Variants in SLC22A16 observed in about 807,000 individuals in gnomAD.
SLC22A16 encodes WUGSC:RG331P03.1.
In SLC22A16, 53 loss-of-function variants were observed where a neutral mutation model predicts 52.9. That is an observed-to-expected ratio of 1.00 (90% CI 0.80 to 1.26). The LOEUF (loss-of-function observed/expected upper bound fraction) is 1.26, where lower values mean the gene tolerates loss of function less well. SLC22A16 is among the 50% of genes most tolerant of loss of function. The pLI is 0.00. For missense variants in SLC22A16, 726 were observed against 704.0 expected (o/e 1.03, Z -0.35); for synonymous variants, 291 against 268.8 (o/e 1.08, Z -0.81).
chr6:110,440,134 G>A (rs1230449279), intron 4 of SLC22A16: 2 of 152,170 alleles, frequency 1.3e-5, no homozygotes, highest in Non-Finnish European at 2.9e-5. Context: ...CCCCTCCTTA[G>A]GCAACCTGGT....
Position 110,438,947 on chromosome 6 carries a change from T to G in SLC22A16, c.1184-100A>C, listed in dbSNP as rs1009413197. ...TACCCAAAAGGCATGAGCAGCCCTC[T>G]CCTCACTTCTGGGGCCTTTAGAAAC... On this transcript the variant is annotated intron_variant, in intron 4 of 7. Transcript: ENST00000368919. 7.4e-5 allele frequency: 108 copies of G among 1,452,444 alleles called. No individual in the cohort carries two copies. The East Asian group carries it at 2.5e-3, about 34-fold the overall frequency. The allele number at this position is 1,452,444 out of a possible 1,614,324, so 90.0% of individuals were successfully genotyped here.
chr6:110,470,870 T>C (rs1360929639), intron 1 of SLC22A16, among the ~76,000 whole-genome samples: 3 of 152,202 alleles, frequency 2.0e-5, no homozygotes, highest in Non-Finnish European at 4.4e-5. Context: ...CCCCAGGATA[T>C]CTAGTTTTCT....
intron 4 of SLC22A16, among the ~76,000 whole-genome samples, chr6:110,440,737 AC>A (rs1238465719): frequency 5.3e-5 from 8 of 152,190 alleles, no homozygotes; most frequent in Non-Finnish European, 5.9e-5. Flanking sequence ...AGATCACACC[AC>A]TGCACTCCAA....
intron 1 of SLC22A16, among the ~76,000 whole-genome samples, chr6:110,460,863 T>C (rs1775854348): frequency 6.6e-6 from 1 of 152,178 alleles, no homozygotes; most frequent in South Asian, 2.1e-4. Flanking sequence ...TGCAGGTTTC[T>C]TCTAGGGGGA....
At chr6:110,464,327 CA>C (rs1273124996) in intron 1 of SLC22A16, among the ~76,000 whole-genome samples, 1 of 151,382 alleles carries the variant, frequency 6.6e-6, no homozygotes, top group Non-Finnish European at 1.5e-5. Context: ...AAATTGAAAC[CA>C]AAAAAATCAT....
At chr6:110,465,059 T>C (rs545856958) in intron 1 of SLC22A16, among the ~76,000 whole-genome samples, 2 of 150,674 alleles carry the variant, frequency 1.3e-5, no homozygotes, top group Admixed American at 6.6e-5. Flanking sequence ...ACTCAATAGA[T>C]GCTGAAAAAG....
chr6:110,459,728 G>T (rs1775797555), intron 1 of SLC22A16, among the ~76,000 whole-genome samples: 1 of 151,880 alleles, frequency 6.6e-6, no homozygotes. Flanking sequence ...ACTGGGTGAG[G>T]GTCATATGGG....
chr6:110,456,530 G>T lies in SLC22A16; in HGVS notation c.533+8C>A, dbSNP rs758081810. On this transcript the variant is annotated splice_region_variant and intron_variant, in intron 2 of 7. Coordinates refer to ENST00000368919, the MANE Select transcript of SLC22A16 (RefSeq NM_033125.4). The stretch of plus-strand genomic sequence containing the variant: ...ACTGATACAACAATCCTAAATATTT[G>T]ATTTTACCTGTCAGAAAAGTAGCCA... The T allele has an allele frequency of 1.9e-6, 3 of 1,613,172 alleles. No homozygotes were observed. The highest frequency in any genetic ancestry group is 1.1e-5 in the South Asian group (1 of 90,988).
At chr6:110,447,097 C>A in intron 2 of SLC22A16, 107 bp from the exon 3 acceptor site, 1 of 796,286 alleles carries the variant, frequency 1.3e-6, no homozygotes, top group Non-Finnish European at 2.0e-6. Flanking sequence ...CCTTGAATAG[C>A]TTATGTATTG....
intron 2 of SLC22A16, among the ~76,000 whole-genome samples, chr6:110,449,748 C>T (rs1327609976): frequency 5.9e-5 from 9 of 152,176 alleles, no homozygotes; most frequent in Admixed American, 6.5e-5. Context: ...ATGTCTTCAT[C>T]TTTTCCTCCC....
intron 2 of SLC22A16, among the ~76,000 whole-genome samples, chr6:110,454,667 TTA>T (rs1491357625): frequency 4.1e-4 from 19 of 45,844 alleles, no homozygotes; most frequent in Non-Finnish European, 5.2e-4. Flanking sequence ...TTATATATAT[TTA>T]TATATATTAT....
chr6:110,442,312 C>T lies in SLC22A16; in HGVS notation c.1115G>A (p.Gly372Glu), dbSNP rs899113575. 1 of 1,614,148 alleles carries T rather than the reference C, an allele frequency of 6.2e-7. No individual in the cohort carries two copies. The highest frequency in any genetic ancestry group is 8.5e-7 in the Non-Finnish European group (1 of 1,180,026). The change falls in exon 4 of 8, where the codon GGA (glycine) becomes GAA (glutamate). Residue 372 changes from glycine to glutamate, a missense_variant. Transcript: ENST00000368919. The stretch of plus-strand genomic sequence containing the variant: ...AGAATTCAAGGAAAACGAGTAGAAT[C>T]CCAAACTTCCAGTGAACCAGATTAG... ...VWLIWFTGSLGFYSFSLNSVN... is the reference protein window; with the variant it reads ...VWLIWFTGSLEFYSFSLNSVN...
intron 3 of SLC22A16, among the ~76,000 whole-genome samples, chr6:110,446,462 C>T (rs1582550160): frequency 6.6e-6 from 1 of 152,128 alleles, no homozygotes; most frequent in African/African-American, 2.4e-5. Flanking sequence ...ACTAAACTGC[C>T]GTTCCTGGTA....
At chr6:110,431,388 G>C (rs778728621) in intron 6 of SLC22A16, 118 bp from the exon 7 acceptor site, 1 of 801,722 alleles carries the variant, frequency 1.2e-6, no homozygotes, top group Non-Finnish European at 2.0e-6. Context: ...TGGTCAGGCA[G>C]CGCATTACAA....
At chr6:110,458,346 G>C (rs2114995928) in intron 1 of SLC22A16, among the ~76,000 whole-genome samples, 1 of 152,212 alleles carries the variant, frequency 6.6e-6, no homozygotes, top group South Asian at 2.1e-4. Context: ...TGGTGGTAGG[G>C]GTCCCCCAGG....
chr6:110,429,044 T>G (rs1475967881), intron 7 of SLC22A16, among the ~76,000 whole-genome samples: 3 of 152,230 alleles, frequency 2.0e-5, no homozygotes, highest in Non-Finnish European at 2.9e-5. Context: ...TTTATTTGGT[T>G]TTATTTCTGG....
chr6:110,426,376 G>A (rs1774256120), intron 7 of SLC22A16, among the ~76,000 whole-genome samples: 1 of 152,086 alleles, frequency 6.6e-6, no homozygotes, highest in Non-Finnish European at 1.5e-5. Flanking sequence ...AGCCTAGTCA[G>A]GCAGGAAACA....
chr6:110,450,611 CAA>C (rs35567505), intron 2 of SLC22A16, among the ~76,000 whole-genome samples: 41 of 48,732 alleles, frequency 8.4e-4, no homozygotes, highest in African/African-American at 2.4e-3. Flanking sequence ...GACATCTTCT[CAA>C]AAAAAAAAAA....
intron 4 of SLC22A16, 85 bp from the exon 5 acceptor site, chr6:110,438,932 G>A (rs966885967): frequency 1.1e-5 from 17 of 1,536,510 alleles, no homozygotes; most frequent in Middle Eastern, 2.0e-4. Flanking sequence ...TACCCAAAAG[G>A]CATGAGCAGC....
Sources: gnomAD v4.1 joint callset for allele counts (sites outside exome capture counted in the v4.1 genomes callset) on GRCh38, gnomAD v4.1.1 for gene constraint, MANE v1.5 for transcripts, NCBI Gene and HGNC (gene_info 2026-07-23, HGNC 2026-07-21) for gene names.